SHROOM4: variants seen among roughly 807,000 people sequenced by gnomAD.
SHROOM4 encodes the protein shroom family member 4.
Under a neutral mutation model 80.3 loss-of-function variants are expected in SHROOM4, and 17 were observed. That is an observed-to-expected ratio of 0.21 (90% CI 0.14 to 0.32). The LOEUF (loss-of-function observed/expected upper bound fraction) is 0.32, where lower values mean the gene tolerates loss of function less well. Ranked by LOEUF, SHROOM4 falls within the 10% of genes least tolerant of loss-of-function variation. SHROOM4 has a pLI of 1.00. For missense variants in SHROOM4, 993 were observed against 1,140.3 expected (o/e 0.87, Z 1.86); for synonymous variants, 400 against 437.5 (o/e 0.91, Z 1.07).
intron 1 of SHROOM4, among the ~76,000 whole-genome samples, chrX:50,754,565 T>C (rs1323302392): frequency 9.0e-6 from 1 of 111,657 alleles, no homozygotes; most frequent in African/African-American, 3.3e-5. Flanking sequence ...GTAAGGTATG[T>C]GTTGTTCCAG....
At chrX:50,748,123 T>C (rs1557267790) in intron 1 of SHROOM4, among the ~76,000 whole-genome samples, 1 of 111,693 alleles carries the variant, frequency 9.0e-6, no homozygotes, top group Non-Finnish European at 1.9e-5. Flanking sequence ...GATAGTATCC[T>C]GAAAGATCGA....
chrX:50,778,740 A>G (rs1935562719), intron 1 of SHROOM4, among the ~76,000 whole-genome samples: 1 of 112,368 alleles, frequency 8.9e-6, no homozygotes, highest in Non-Finnish European at 1.9e-5. Context: ...CATCAAGTAA[A>G]AATAGTTTTA....
intron 1 of SHROOM4, among the ~76,000 whole-genome samples, chrX:50,702,526 G>A (rs1281461169): frequency 8.9e-6 from 1 of 111,852 alleles, no homozygotes; most frequent in Non-Finnish European, 1.9e-5. Flanking sequence ...AAAAGATTAT[G>A]TTGCATGAAA....
At chrX:50,650,288 A>AT (rs1931990891) in intron 2 of SHROOM4, among the ~76,000 whole-genome samples, 1 of 112,000 alleles carries the variant, frequency 8.9e-6, no homozygotes, top group Non-Finnish European at 1.9e-5. Context: ...GGTTATTTTT[A>AT]TTTTTCATAC....
At position 50,633,217 on chromosome X, in the gene SHROOM4, T is replaced by C; in HGVS notation, c.2856A>G (p.Ala952=). The C allele has an allele frequency of 1.7e-6, 2 of 1,211,411 alleles. No homozygotes were observed. The highest frequency in any genetic ancestry group is 2.2e-6 in the Non-Finnish European group (2 of 895,377). The change falls in exon 4 of 9, where the codon GCA becomes GCG. Residue 952 remains alanine (A), a synonymous_variant. Coordinates refer to ENST00000376020, the MANE Select transcript of SHROOM4 (RefSeq NM_020717.5). The part of the protein sequence containing the change: ...QHSALEDSSL[A]PGNTWKPRKL... ...TCCTGGGTTTCCAAGTGTTGCCAGG[T>C]GCCAAGCTGCTGTCCTCGAGGGCAC...
rs1602390036 is a variant in SHROOM4 at position 50,635,432 on chromosome X, G to A, written c.641C>T (p.Thr214Ile). Residue 214 changes from threonine (T) to isoleucine (I), a missense_variant, in exon 4 of 9, where the codon ACA becomes ATA. Physicochemically the swap from Thr to Ile is moderately conservative, Grantham distance 89. Transcript: ENST00000376020. ...CCCTGGGCCTTGCATGATGCAGTCT[G>A]TAGAGGCTGGCTCCTCTGGCCTGAG... Reference protein sequence around the residue: ...LSLRPEEPASTDCIMQGPGPT... With the variant: ...LSLRPEEPASIDCIMQGPGPT... 7 of 1,206,744 alleles carry A rather than the reference G, an allele frequency of 5.8e-6. No individual in the cohort carries two copies. The highest frequency in any genetic ancestry group is 6.7e-6 in the Non-Finnish European group (6 of 892,870).
At chrX:50,727,163 C>G (rs1326490051) in intron 1 of SHROOM4, among the ~76,000 whole-genome samples, 1 of 112,571 alleles carries the variant, frequency 8.9e-6, no homozygotes, top group Non-Finnish European at 1.9e-5. Flanking sequence ...GCCTATGGCC[C>G]CTTTGTTTTG....
intron 2 of SHROOM4, among the ~76,000 whole-genome samples, chrX:50,646,581 T>C (rs2147329964): frequency 1.0e-5 from 1 of 100,035 alleles, no homozygotes; most frequent in African/African-American, 3.7e-5. Flanking sequence ...TGTGTGTAAT[T>C]TGAAAGAGAA....
At chrX:50,807,826 C>T (rs1602531290) in intron 1 of SHROOM4, among the ~76,000 whole-genome samples, 1 of 111,602 alleles carries the variant, frequency 9.0e-6, no homozygotes, top group East Asian at 2.8e-4. Flanking sequence ...TTCATAGAGG[C>T]CTTAGGCAGG....
intron 1 of SHROOM4, among the ~76,000 whole-genome samples, chrX:50,779,463 T>C (rs1935577899): frequency 8.9e-6 from 1 of 112,237 alleles, no homozygotes; most frequent in African/African-American, 3.2e-5. Context: ...ACTGTGGATA[T>C]TGCATTCAGT....
chrX:50,686,947 A>G (rs1028875357), intron 2 of SHROOM4: 1 of 112,210 alleles, frequency 8.9e-6, no homozygotes, highest in Admixed American at 9.4e-5. Flanking sequence ...GAACCCATAT[A>G]CCATTCATTT....
intron 1 of SHROOM4, among the ~76,000 whole-genome samples, chrX:50,773,270 C>A (rs782192772): frequency 8.0e-5 from 9 of 112,170 alleles, no homozygotes; most frequent in African/African-American, 2.9e-4. Context: ...CGACCACAAA[C>A]CTATTAACAT....
intron 1 of SHROOM4, among the ~76,000 whole-genome samples, chrX:50,773,662 T>C (rs1557269888): frequency 8.9e-6 from 1 of 112,243 alleles, no homozygotes; most frequent in Admixed American, 9.5e-5. Flanking sequence ...TTATAAATGA[T>C]GCCTTAATAT....
chrX:50,795,540 G>T (rs1457180905), intron 1 of SHROOM4, among the ~76,000 whole-genome samples: 1 of 111,175 alleles, frequency 9.0e-6, no homozygotes, highest in Non-Finnish European at 1.9e-5. Flanking sequence ...TGGAAGATGG[G>T]GTAGAATGGG....
chrX:50,723,280 C>T (rs887540101), intron 1 of SHROOM4, among the ~76,000 whole-genome samples: 4 of 85,549 alleles, frequency 4.7e-5, no homozygotes, highest in Non-Finnish European at 6.8e-5. Flanking sequence ...GAGCAGGTTT[C>T]TCATCTGGGC....
the SHROOM4 span, among the ~76,000 whole-genome samples, chrX:50,580,158 A>G: frequency 8.9e-6 from 1 of 112,100 alleles, no homozygotes; most frequent in Non-Finnish European, 1.9e-5. Flanking sequence ...GACTTTAGAC[A>G]AAGGTTGCCA....
At position 50,598,623 on chromosome X, in the gene SHROOM4, A is replaced by G; in HGVS notation, c.3943-88T>C. 4 of 1,055,924 alleles carry G rather than the reference A, an allele frequency of 3.8e-6. No individual in the cohort carries two copies. In the South Asian group the frequency reaches 6.0e-5, roughly 16 times the overall value. The allele number at this position is 1,055,924 out of a possible 1,213,427, so 87.0% of individuals were successfully genotyped here. A position where few individuals can be genotyped will look rare whatever the true frequency, so the allele number is the denominator to read the frequency against. On this transcript the variant is annotated intron_variant, in intron 7 of 8. Coordinates refer to ENST00000376020, the MANE Select transcript of SHROOM4 (RefSeq NM_020717.5). Reference sequence around the variant, plus strand: ...GCCTGTAACCTCTGTTTTGGAATCCAAGGAACAGATGGTGGGCTCTATCCT... The same window carrying G: ...GCCTGTAACCTCTGTTTTGGAATCCGAGGAACAGATGGTGGGCTCTATCCT...
intron 1 of SHROOM4, among the ~76,000 whole-genome samples, chrX:50,725,698 T>C (rs1346729768): frequency 8.9e-6 from 1 of 112,681 alleles, no homozygotes; most frequent in Non-Finnish European, 1.9e-5. Context: ...TAATTGTAAG[T>C]TTCCTGAGGC....
intron 2 of SHROOM4, among the ~76,000 whole-genome samples, chrX:50,645,338 C>T (rs183683565): frequency 8.9e-6 from 1 of 112,233 alleles, no homozygotes; most frequent in Admixed American, 9.4e-5. Context: ...CTCTTCTGGT[C>T]GCCAAATGTC....
Sources: allele counts gnomAD v4.1 joint callset (sites outside exome capture counted in the v4.1 genomes callset), GRCh38; gene constraint gnomAD v4.1.1; transcripts MANE v1.5; gene names NCBI Gene and HGNC (gene_info 2026-07-23, HGNC 2026-07-21).